The following BRINP3 variants were observed in gnomAD, a reference collection of about 807,000 sequenced individuals.
BRINP3 encodes the protein BMP/retinoic acid-inducible neural-specific protein 3.
A neutral mutation model predicts 71.0 loss-of-function variants in BRINP3; 19 were observed. That is an observed-to-expected ratio of 0.27 (90% confidence interval 0.19 to 0.39). The LOEUF is 0.39. Ranked by LOEUF, BRINP3 falls within the 10% of genes least tolerant of loss-of-function variation. BRINP3 has a pLI of 1.00. For missense variants in BRINP3, 959 were observed against 940.8 expected, an observed-to-expected ratio of 1.02 and a Z score of -0.25; for synonymous variants, 380 against 337.7, an observed-to-expected ratio of 1.13 and a Z score of -1.37.
intron 3 of BRINP3, among the ~76,000 whole-genome samples, chr1:190,280,614 C>G (rs1296678595): frequency 6.6e-6 from 1 of 151,954 alleles, no homozygotes; most frequent in East Asian, 1.9e-4. Flanking sequence ...TCCTCTAAGG[C>G]TAGAAAATGA....
At chr1:190,314,107 T>C (rs1665720583) in intron 2 of BRINP3, among the ~76,000 whole-genome samples, 1 of 152,038 alleles carries the variant, frequency 6.6e-6, no homozygotes, top group Non-Finnish European at 1.5e-5. Context: ...TAGAGTACTA[T>C]GATAGATATT....
At chr1:190,257,119 A>G (rs979609385) in intron 4 of BRINP3, among the ~76,000 whole-genome samples, 3 of 152,184 alleles carry the variant, frequency 2.0e-5, no homozygotes, top group African/African-American at 7.2e-5. Flanking sequence ...AGTTTCACGT[A>G]CACCAATCAA....
intron 2 of BRINP3, among the ~76,000 whole-genome samples, chr1:190,408,333 C>T (rs1007630945): frequency 1.3e-5 from 2 of 152,116 alleles, no homozygotes; most frequent in Admixed American, 6.5e-5. Context: ...CGTGAGCCAC[C>T]GCATCCGGCC....
intron 7 of BRINP3, among the ~76,000 whole-genome samples, chr1:190,145,871 C>T (rs1655842875): frequency 6.6e-6 from 1 of 152,106 alleles, no homozygotes; most frequent in African/African-American, 2.4e-5. Flanking sequence ...ACTACTCAAC[C>T]ATAAAAAGGA....
chr1:190,218,890 C>CCAA (rs1020972782), intron 6 of BRINP3, among the ~76,000 whole-genome samples: 2 of 152,108 alleles, frequency 1.3e-5, no homozygotes, highest in Admixed American at 6.6e-5. Context: ...TGTGTTATTT[C>CCAA]CAACAACAAC....
chr1:190,357,892 A>G (rs1668842695), intron 2 of BRINP3, among the ~76,000 whole-genome samples: 1 of 152,146 alleles, frequency 6.6e-6, no homozygotes, highest in South Asian at 2.1e-4. Flanking sequence ...CAAACCTGAC[A>G]AAAACAAGAA....
intron 7 of BRINP3, among the ~76,000 whole-genome samples, chr1:190,114,258 T>A (rs1652937968): frequency 6.6e-6 from 1 of 152,120 alleles, no homozygotes. Context: ...TCCTGAGGCC[T>A]CCCTAGAAGT....
chr1:190,135,468 G>T (rs531222001), intron 7 of BRINP3, among the ~76,000 whole-genome samples: 1 of 151,958 alleles, frequency 6.6e-6, no homozygotes, highest in Non-Finnish European at 1.5e-5. Context: ...CTTAATTTTG[G>T]TGTGTATGCA....
intron 7 of BRINP3, among the ~76,000 whole-genome samples, chr1:190,107,825 C>T (rs1401122524): frequency 6.6e-6 from 1 of 151,838 alleles, no homozygotes; most frequent in African/African-American, 2.4e-5. Context: ...CTCTTAAAAA[C>T]TCTTTTACTG....
intron 2 of BRINP3, among the ~76,000 whole-genome samples, chr1:190,447,111 T>C (rs1675268613): frequency 6.6e-6 from 1 of 151,782 alleles, no homozygotes; most frequent in African/African-American, 2.4e-5. Flanking sequence ...CAGCATGTTC[T>C]TGTTTTTATT....
At chr1:190,206,973 T>TTTTTG (rs1553259722) in intron 6 of BRINP3, among the ~76,000 whole-genome samples, 1 of 151,306 alleles carries the variant, frequency 6.6e-6, no homozygotes, top group Admixed American at 6.6e-5. Flanking sequence ...TTGGGTTTTT[T>TTTTTG]TTTTGTTTTG....
At chr1:190,289,863 T>C (rs1663727053) in intron 2 of BRINP3, among the ~76,000 whole-genome samples, 1 of 152,036 alleles carries the variant, frequency 6.6e-6, no homozygotes, top group South Asian at 2.1e-4. Flanking sequence ...ACAATTTTCT[T>C]TTCCTTCTGT....
At position 190,277,059 on chromosome 1, in the gene BRINP3, C is replaced by G. The variant is rs564779833; in HGVS notation, c.427+4501G>C. ...AAATTAACAAATCTTATTATATTGTCTATTTGATCCTGAAATAAATTTTGG... is the reference window on the plus strand; with the variant it reads ...AAATTAACAAATCTTATTATATTGTGTATTTGATCCTGAAATAAATTTTGG... On this transcript the variant is annotated intron_variant, in intron 3 of 7. Transcript: ENST00000367462. 1.5e-4 allele frequency among the ~76,000 whole-genome samples: 12 copies of G among 80,790 alleles called. No individual in the cohort carries two copies. In the South Asian group the frequency reaches 5.5e-3, roughly 37 times the overall value. 53.0% of individuals were successfully genotyped at this position (80,790 alleles called of 152,430 possible). A position where few individuals can be genotyped will look rare whatever the true frequency, so the allele number is the denominator to read the frequency against.
chr1:190,193,190 A>G (rs1190620175), intron 6 of BRINP3, among the ~76,000 whole-genome samples: 1 of 152,082 alleles, frequency 6.6e-6, no homozygotes, highest in East Asian at 1.9e-4. Context: ...CTTCCTTAGA[A>G]GAAACTATCA....
At chr1:190,140,128 G>A (rs1401040076) in intron 7 of BRINP3, among the ~76,000 whole-genome samples, 1 of 151,996 alleles carries the variant, frequency 6.6e-6, no homozygotes, top group African/African-American at 2.4e-5. Context: ...AATATTTTAG[G>A]AAAAAACAGC....
intron 7 of BRINP3, among the ~76,000 whole-genome samples, chr1:190,115,628 A>G (rs1250110282): frequency 6.6e-6 from 1 of 152,134 alleles, no homozygotes; most frequent in African/African-American, 2.4e-5. Context: ...TACAACAATA[A>G]AAACAGGAAC....
In BRINP3 at chr1:190,357,318, G is replaced by C. The variant is rs180869782; in HGVS notation, c.237-75568C>G. 1.1e-3 allele frequency among the ~76,000 whole-genome samples: 165 copies of C among 152,108 alleles called. 1 individual carries two copies. Among genetic ancestry groups the C allele is most frequent in the African/African-American group, 3.0e-3 (125 of 41,480 alleles). On this transcript the variant is annotated intron_variant, in intron 2 of 7. Transcript: ENST00000367462. Reference sequence around the variant, plus strand: ...GTTTGTGCCTACAAAGGTTTTGCTTGTAAAGAAATTGAATTTTAAAAACAA... The same window carrying C: ...GTTTGTGCCTACAAAGGTTTTGCTTCTAAAGAAATTGAATTTTAAAAACAA...
At chr1:190,117,302 C>A (rs2102303958) in intron 7 of BRINP3, among the ~76,000 whole-genome samples, 1 of 152,068 alleles carries the variant, frequency 6.6e-6, no homozygotes, top group East Asian at 1.9e-4. Flanking sequence ...TATTTATTAA[C>A]TTCCTACTCT....
intron 6 of BRINP3, among the ~76,000 whole-genome samples, chr1:190,216,112 T>C (rs953763718): frequency 1.3e-5 from 2 of 151,684 alleles, no homozygotes; most frequent in Non-Finnish European, 3.0e-5. Flanking sequence ...TCTGGCAATT[T>C]TGGTAATTAT....
Sources: allele counts gnomAD v4.1 joint callset (sites outside exome capture counted in the v4.1 genomes callset), GRCh38; gene constraint gnomAD v4.1.1; transcripts MANE v1.5; gene names NCBI Gene and HGNC (gene_info 2026-07-23, HGNC 2026-07-21).